The following PDGFC variants were observed in gnomAD, a reference collection of about 807,000 sequenced individuals.
PDGFC encodes platelet-derived growth factor C.
A neutral mutation model predicts 35.5 loss-of-function variants in PDGFC; 12 were observed. The observed-to-expected ratio is 0.34, with a 90% CI of 0.22 to 0.55. PDGFC has a LOEUF of 0.55. PDGFC is among the 20% of genes least tolerant of loss of function. PDGFC has a pLI of 0.91. For missense variants in PDGFC, 322 were observed against 412.4 expected (o/e 0.78, Z 1.90); for synonymous variants, 159 against 148.8 (o/e 1.07, Z -0.50).
At chr4:156,885,277 G>C (rs539979644) in intron 1 of PDGFC, among the ~76,000 whole-genome samples, 178 of 151,968 alleles carry the variant, frequency 1.2e-3, no homozygotes, top group African/African-American at 4.2e-3. Flanking sequence ...ATTTCATCTT[G>C]TCTCTTCCAT....
intron 1 of PDGFC, among the ~76,000 whole-genome samples, chr4:156,931,266 G>A (rs1278903686): frequency 6.6e-6 from 1 of 152,142 alleles, no homozygotes; most frequent in Non-Finnish European, 1.5e-5. Context: ...CCTTCCGAAG[G>A]CTAATGTAGA....
intron 2 of PDGFC, among the ~76,000 whole-genome samples, chr4:156,847,869 AAAAC>A (rs1729363471): frequency 2.0e-5 from 3 of 151,698 alleles, no homozygotes; most frequent in South Asian, 4.1e-4. Context: ...TCATTTAAGA[AAAAC>A]AAAATTGACC....
chr4:156,957,366 T>C (rs998205381), intron 1 of PDGFC, among the ~76,000 whole-genome samples: 16 of 151,988 alleles, frequency 1.1e-4, no homozygotes, highest in Admixed American at 7.9e-4. Flanking sequence ...ACACCACTTA[T>C]TACACTGAAG....
intron 2 of PDGFC, among the ~76,000 whole-genome samples, chr4:156,827,752 T>C (rs1431691414): frequency 6.6e-6 from 1 of 152,224 alleles, no homozygotes. Context: ...TACCCATTAC[T>C]ACATTTGCCA....
In PDGFC at chr4:156,824,325, T is replaced by TATACAC. The variant is rs1553967638; in HGVS notation, c.315-13314_315-13309dup. Among the ~76,000 whole-genome samples the TATACAC allele has an allele frequency of 6.1e-4, 67 of 109,608 alleles. 1 individual carries two copies. Among genetic ancestry groups the TATACAC allele is most frequent in the African/African-American group, 1.8e-3 (37 of 20,764 alleles). 71.9% of individuals were successfully genotyped at this position (109,608 alleles called of 152,430 possible). On this transcript the variant is annotated intron_variant, in intron 2 of 5. Coordinates refer to ENST00000502773, the MANE Select transcript of PDGFC (RefSeq NM_016205.3). ...ATATATATATATATATATATATATA[T>TATACAC]ATACACACACACACACACACACACA... is the stretch of plus-strand genomic sequence containing the variant.
At chr4:156,795,959 C>T (rs928144510) in intron 3 of PDGFC, among the ~76,000 whole-genome samples, 2 of 152,158 alleles carry the variant, frequency 1.3e-5, no homozygotes, top group African/African-American at 2.4e-5. Flanking sequence ...AGCAGAGCCT[C>T]ATTCATGGAT....
chr4:156,796,242 T>C (rs1284837202), intron 3 of PDGFC, among the ~76,000 whole-genome samples: 2 of 152,152 alleles, frequency 1.3e-5, no homozygotes, highest in South Asian at 2.1e-4. Context: ...ATACTCTTGA[T>C]TGAGCCATTT....
At chr4:156,819,179 T>C (rs2110971326) in intron 2 of PDGFC, among the ~76,000 whole-genome samples, 1 of 152,266 alleles carries the variant, frequency 6.6e-6, no homozygotes, top group East Asian at 1.9e-4. Flanking sequence ...AAGCAGCAAG[T>C]ACTGATGGAG....
intron 3 of PDGFC, among the ~76,000 whole-genome samples, chr4:156,802,641 C>T (rs1411676079): frequency 2.0e-5 from 3 of 151,928 alleles, no homozygotes; most frequent in African/African-American, 7.3e-5. Flanking sequence ...CCAAATATCT[C>T]AGTGTTAATC....
At chr4:156,802,820 T>C (rs1361881221) in intron 3 of PDGFC, among the ~76,000 whole-genome samples, 1 of 152,128 alleles carries the variant, frequency 6.6e-6, no homozygotes, top group Non-Finnish European at 1.5e-5. Context: ...AACTTTTAAG[T>C]GGCCAGCTTA....
At position 156,933,164 on chromosome 4, in the gene PDGFC, C is replaced by A. The variant is rs919636818; in HGVS notation, c.118+37622G>T. On this transcript the variant is annotated intron_variant, in intron 1 of 5. Transcript: ENST00000502773. ...TAAATGAAGGAAATCTAATGAAATG[C>A]AGTCCCACAGTAGATATCACTAGCT... Among the ~76,000 whole-genome samples the A allele has an allele frequency of 6.9e-4, 105 of 152,298 alleles. 1 individual carries two copies. The highest frequency in any genetic ancestry group is 2.3e-3 in the African/African-American group (97 of 41,570).
At chr4:156,825,569 TAATAATAATAATAATAATAATAATAAG>T (rs1732424604) in intron 2 of PDGFC, among the ~76,000 whole-genome samples, 1 of 89,808 alleles carries the variant, frequency 1.1e-5, no homozygotes, top group South Asian at 3.9e-4. Flanking sequence ...ATAATAATAA[TAATAATAATAATAATAATAATAATAAG>T]AAGAAGAAGA....
At chr4:156,913,416 A>T (rs1010479294) in intron 1 of PDGFC, among the ~76,000 whole-genome samples, 6 of 152,166 alleles carry the variant, frequency 3.9e-5, no homozygotes, top group Non-Finnish European at 5.9e-5. Context: ...AATGACTACA[A>T]TATCCTGAAA....
chr4:156,915,067 C>CA (rs974552032), intron 1 of PDGFC, among the ~76,000 whole-genome samples: 23 of 151,966 alleles, frequency 1.5e-4, no homozygotes, highest in Non-Finnish European at 2.5e-4. Context: ...CACACACACA[C>CA]AAAAAAATGG....
chr4:156,832,651 T>C (rs1728972739), intron 2 of PDGFC, among the ~76,000 whole-genome samples: 2 of 152,242 alleles, frequency 1.3e-5, no homozygotes, highest in African/African-American at 4.8e-5. Context: ...CCAGGATTTC[T>C]AGCAGTATAT....
Position 156,810,968 on chromosome 4 carries a change from G to A in PDGFC, c.364C>T (p.Arg122Cys), listed in dbSNP as rs374056468. The A allele has an allele frequency of 7.6e-5, 121 of 1,601,496 alleles. No homozygotes were observed. Among genetic ancestry groups the A allele is most frequent in the Non-Finnish European group, 9.3e-5 (109 of 1,173,642 alleles). ...EEPSDGTILG[R>C]WCGSGTVPGK... ...GGTACAGTACCAGAACCACACCAGC[G>A]CCCTAATATAGTTCCATCACTGGGT... Residue 122 changes from arginine (R) to cysteine (C), a missense_variant, in exon 3 of 6, where the codon CGC becomes TGC. Arg to Cys is a radical substitution (Grantham distance 180, BLOSUM62 -3). Around this residue, in one of 2 missense-constraint regions of PDGFC, gnomAD observed 202 missense variants for 295.9 expected, o/e 0.68. Coordinates refer to ENST00000502773, the MANE Select transcript of PDGFC (RefSeq NM_016205.3).
intron 1 of PDGFC, among the ~76,000 whole-genome samples, chr4:156,898,867 G>T (rs996104664): frequency 6.6e-6 from 1 of 152,098 alleles, no homozygotes; most frequent in Non-Finnish European, 1.5e-5. Context: ...ATGTTTTCTA[G>T]GCTGGTCTTG....
chr4:156,936,666 C>T (rs560928469), intron 1 of PDGFC, among the ~76,000 whole-genome samples: 1 of 152,150 alleles, frequency 6.6e-6, no homozygotes, highest in Non-Finnish European at 1.5e-5. Context: ...TTTATCCAAA[C>T]GCAAAGCAGA....
At chr4:156,810,373 A>G (rs1321339195) in intron 3 of PDGFC, among the ~76,000 whole-genome samples, 1 of 151,950 alleles carries the variant, frequency 6.6e-6, no homozygotes, top group African/African-American at 2.4e-5. Context: ...TATAACATAC[A>G]CAATTTATAA....
Sources: gnomAD v4.1 joint callset for allele counts (sites outside exome capture counted in the v4.1 genomes callset) on GRCh38, gnomAD v4.1.1 for gene constraint, gnomAD v4.1.1 regional missense constraint, MANE v1.5 for transcripts, NCBI Gene and HGNC (gene_info 2026-07-23, HGNC 2026-07-21) for gene names.